MDGA2: variants seen among roughly 807,000 people sequenced by gnomAD.
MDGA2 encodes the protein MAM domain-containing glycosylphosphatidylinositol anchor protein 2.
Under a neutral mutation model 117.8 loss-of-function variants are expected in MDGA2, and 40 were observed. The ratio of observed to expected loss-of-function variants is 0.34; its 90% CI spans 0.26 to 0.44. The LOEUF (loss-of-function observed/expected upper bound fraction) is 0.44. Ranked by LOEUF, MDGA2 falls within the 20% of genes least tolerant of loss-of-function variation. The pLI is 1.00. For missense variants in MDGA2, 1,123 were observed against 1,250.6 expected (o/e 0.90, Z 1.54); for synonymous variants, 452 against 439.0 (o/e 1.03, Z -0.37).
Position 47,329,913 on chromosome 14 carries a change from T to C in MDGA2, c.281-28363A>G, listed in dbSNP as rs542084453. On this transcript the variant is annotated intron_variant, in intron 1 of 16. Coordinates refer to ENST00000399232, the MANE Select transcript of MDGA2 (RefSeq NM_001113498.3). ...TTAAAATTTAGCCCAAATCATAGAA[T>C]AGAAAGTGGGGAAAAAATCCTCTAT... 3.4e-4 allele frequency among the ~76,000 whole-genome samples: 51 copies of C among 151,948 alleles called. 1 individual carries two copies. In the South Asian group the frequency reaches 9.5e-3, roughly 28 times the overall value.
At chr14:46,919,506 T>C (rs1884041104) in intron 10 of MDGA2, among the ~76,000 whole-genome samples, 1 of 152,228 alleles carries the variant, frequency 6.6e-6, no homozygotes, top group Admixed American at 6.5e-5. Flanking sequence ...TAAGAAACTA[T>C]CATACTTTAA....
intron 1 of MDGA2, among the ~76,000 whole-genome samples, chr14:47,336,613 T>A (rs966758985): frequency 1.6e-4 from 25 of 152,030 alleles, no homozygotes; most frequent in African/African-American, 6.0e-4. Context: ...TACATTAGAT[T>A]AATTATTTAG....
intron 1 of MDGA2, among the ~76,000 whole-genome samples, chr14:47,484,157 G>T (rs1203664295): frequency 6.6e-6 from 1 of 151,776 alleles, no homozygotes; most frequent in Non-Finnish European, 1.5e-5. Flanking sequence ...GATATTTTTT[G>T]AGATAGCTAT....
chr14:47,441,438 A>T (rs539097771), intron 1 of MDGA2, among the ~76,000 whole-genome samples: 1 of 152,284 alleles, frequency 6.6e-6, no homozygotes, highest in East Asian at 1.9e-4. Flanking sequence ...AAAAGCGCAA[A>T]TTTTTAAAAA....
intron 5 of MDGA2, among the ~76,000 whole-genome samples, chr14:47,126,993 AC>A (rs1247818607): frequency 6.6e-6 from 1 of 152,164 alleles, no homozygotes; most frequent in Non-Finnish European, 1.5e-5. Context: ...TTTTGTCTCT[AC>A]CAAAAGTACA....
rs1890285421 is a variant in MDGA2 at position 47,331,246 on chromosome 14, T to C, written c.281-29696A>G. Among the ~76,000 whole-genome samples, 6 of 152,062 alleles carry C rather than the reference T, an allele frequency of 3.9e-5. No individual in the cohort carries two copies. The South Asian group carries it at 1.2e-3, about 31-fold the overall frequency. On this transcript the variant is annotated intron_variant, in intron 1 of 16. Coordinates refer to ENST00000399232, the MANE Select transcript of MDGA2 (RefSeq NM_001113498.3). ...AACATTAGGGGAAAACGTACTTTTA[T>C]GACAAAATACTTTTTTATAAACTGG...
intron 1 of MDGA2, among the ~76,000 whole-genome samples, chr14:47,359,781 A>C (rs1238544671): frequency 6.6e-6 from 1 of 151,550 alleles, no homozygotes; most frequent in Non-Finnish European, 1.5e-5. Flanking sequence ...AGAAAAAAAA[A>C]CATGATGAAA....
intron 9 of MDGA2, among the ~76,000 whole-genome samples, chr14:46,944,654 A>G (rs1476060056): frequency 1.3e-5 from 2 of 151,828 alleles, no homozygotes; most frequent in East Asian, 3.9e-4. Context: ...TTGATCTATC[A>G]GGTTGTATCA....
chr14:46,937,224 A>G (rs1208012441), intron 9 of MDGA2, among the ~76,000 whole-genome samples: 4 of 146,248 alleles, frequency 2.7e-5, no homozygotes, highest in Non-Finnish European at 6.0e-5. Flanking sequence ...ACCCCCCCCA[A>G]CACAAATACC....
At chr14:46,852,445 A>AC (rs780710714) in intron 15 of MDGA2, among the ~76,000 whole-genome samples, 11 of 151,788 alleles carry the variant, frequency 7.2e-5, no homozygotes, top group African/African-American at 1.2e-4. Context: ...GTTCAAAAAA[A>AC]CAAGGGAAGC....
In MDGA2 at chr14:47,200,529, C is replaced by G; in HGVS notation, c.595+17492G>C. ...TATTTTTCTTTTCTTTTTTCTTTTT[C>G]TTTTCTTTTTTTTTTTTTTTGAGGA... On this transcript the variant is annotated intron_variant, in intron 3 of 16. Transcript: ENST00000399232. The G allele has an allele frequency of 6.8e-6, 4 of 586,012 alleles. No homozygotes were observed. In the East Asian group the frequency reaches 1.0e-4, roughly 15 times the overall value. 36.3% of individuals were successfully genotyped at this position (586,012 alleles called of 1,614,324 possible).
chr14:47,435,965 G>C lies in MDGA2; in HGVS notation c.281-134415C>G, dbSNP rs146287059. ...ACCTAAAATCATGGGCTTTTTTCTG[G>C]GGCTCTTTTCCTTTTTTTGTCTCTC... On this transcript the variant is annotated intron_variant, in intron 1 of 16. Transcript: ENST00000399232. Among the ~76,000 whole-genome samples, 516 of 151,998 alleles carry C rather than the reference G, an allele frequency of 3.4e-3. 7 individuals carry two copies. The highest frequency in any genetic ancestry group is 0.012 in the African/African-American group (478 of 41,470).
At chr14:47,177,635 C>G (rs558986817) in intron 3 of MDGA2, among the ~76,000 whole-genome samples, 2 of 152,224 alleles carry the variant, frequency 1.3e-5, no homozygotes, top group South Asian at 4.2e-4. Context: ...GAACATCACA[C>G]TCTGGGGACT....
At chr14:47,530,284 C>T (rs940060866) in intron 1 of MDGA2, among the ~76,000 whole-genome samples, 17 of 152,166 alleles carry the variant, frequency 1.1e-4, no homozygotes, top group South Asian at 2.1e-4. Flanking sequence ...ATACTCCCTT[C>T]GGAGAATTTC....
intron 11 of MDGA2, 66 bp from the exon 12 acceptor site, chr14:46,877,575 A>G: frequency 1.7e-6 from 2 of 1,194,594 alleles, no homozygotes; most frequent in East Asian, 5.1e-5. Flanking sequence ...AATGTCTTTT[A>G]TAAATAAAAG....
At chr14:47,560,216 C>T (rs887766615) in intron 1 of MDGA2, among the ~76,000 whole-genome samples, 62 of 152,022 alleles carry the variant, frequency 4.1e-4, no homozygotes, top group African/African-American at 1.4e-3. Context: ...TACAGGCGCC[C>T]GCCACCACGC....
intron 5 of MDGA2, among the ~76,000 whole-genome samples, chr14:47,111,555 G>A (rs1407127816): frequency 6.6e-6 from 1 of 152,118 alleles, no homozygotes; most frequent in African/African-American, 2.4e-5. Flanking sequence ...TAATTACAAA[G>A]CCTAAATCCT....
intron 3 of MDGA2, among the ~76,000 whole-genome samples, chr14:47,159,279 C>T (rs1239489751): frequency 6.6e-6 from 1 of 152,072 alleles, no homozygotes; most frequent in African/African-American, 2.4e-5. Context: ...GTTGTGCATG[C>T]ATGGAGGAGG....
chr14:47,315,537 C>T (rs1384557580), intron 1 of MDGA2, among the ~76,000 whole-genome samples: 1 of 152,032 alleles, frequency 6.6e-6, no homozygotes, highest in African/African-American at 2.4e-5. Context: ...TTCCAAGATG[C>T]CAGTGTAGAT....
Sources: gnomAD v4.1 joint callset for allele counts (sites outside exome capture counted in the v4.1 genomes callset) on GRCh38, gnomAD v4.1.1 for gene constraint, MANE v1.5 for transcripts, NCBI Gene and HGNC (gene_info 2026-07-23, HGNC 2026-07-21) for gene names.